The following CBFA2T3 variants were observed in gnomAD, a reference collection of about 807,000 sequenced individuals.
CBFA2T3 encodes CBFA2/RUNX1 partner transcriptional co-repressor 3.
Under a neutral mutation model 58.6 loss-of-function variants are expected in CBFA2T3, and 31 were observed. The ratio of observed to expected loss-of-function variants is 0.53; its 90% CI spans 0.40 to 0.71. CBFA2T3 has a LOEUF of 0.71. Among genes scored for constraint, CBFA2T3 ranks in the 30% least tolerant of loss-of-function variants. CBFA2T3 has a pLI of 0.00. For missense variants in CBFA2T3, 1,076 were observed against 963.1 expected, an observed-to-expected ratio of 1.12 and a Z score of -1.55; for synonymous variants, 531 against 421.9, an observed-to-expected ratio of 1.26 and a Z score of -3.17.
At chr16:88,954,238 T>A (rs1300082555) in intron 1 of CBFA2T3, among the ~76,000 whole-genome samples, 1 of 152,118 alleles carries the variant, frequency 6.6e-6, no homozygotes, top group East Asian at 1.9e-4. Context: ...ACCACCATGA[T>A]AGGCCGGCCA....
intron 1 of CBFA2T3, among the ~76,000 whole-genome samples, chr16:88,975,139 G>C (rs62045814): frequency 0.4 from 40,659 of 101,200 alleles, 7,866 homozygotes; most frequent in East Asian, 0.51. Flanking sequence ...CTCCTGACCT[G>C]CAGCCATGTC....
rs1969327935 is a variant in CBFA2T3 at position 88,885,519 on chromosome 16, C to T, written c.894-250G>A. On this transcript the variant is annotated intron_variant, in intron 6 of 11. Transcript: ENST00000268679. This position sits in a 1 kb window ranked among gnomAD's most constrained non-coding sequence, Gnocchi z 5.3. Reference sequence around the variant, plus strand: ...GCATGGCATCCTGGGGCCTGGTGGTCAAAGAGCCGGACTCGCTGCTCTGGG... The same window carrying T: ...GCATGGCATCCTGGGGCCTGGTGGTTAAAGAGCCGGACTCGCTGCTCTGGG... Among the ~76,000 whole-genome samples the T allele has an allele frequency of 6.6e-6, 1 of 152,150 alleles. No individual in the cohort carries two copies. The highest frequency in any genetic ancestry group is 2.4e-5 in the African/African-American group (1 of 41,428).
chr16:88,941,024 G>T, intron 1 of CBFA2T3: 1 of 981,034 alleles, frequency 1.0e-6, no homozygotes, highest in South Asian at 4.6e-5. Flanking sequence ...ACTTACGGTC[G>T]GGGGGTCCGG....
intron 1 of CBFA2T3, chr16:88,940,959 G>T (rs1267351170): frequency 2.4e-6 from 2 of 844,922 alleles, no homozygotes; most frequent in African/African-American, 3.7e-5. Context: ...TCCGGGAACG[G>T]CAGCCGCGGG....
intron 1 of CBFA2T3, 28 bp from the exon 2 acceptor site, chr16:88,901,684 G>A (rs1309100862): frequency 4.6e-6 from 7 of 1,514,962 alleles, no homozygotes; most frequent in Middle Eastern, 1.7e-4. Flanking sequence ...AGAAAGAGTC[G>A]GTGAAGCAGG....
chr16:88,943,336 C>A (rs1001683568), intron 1 of CBFA2T3, among the ~76,000 whole-genome samples: 2 of 152,228 alleles, frequency 1.3e-5, no homozygotes, highest in African/African-American at 2.4e-5. Context: ...TTCTCTGGAC[C>A]GCAGGCTTCG....
chr16:88,975,558 G>A lies in CBFA2T3; in HGVS notation c.151+1099C>T, dbSNP rs577395161. Among the ~76,000 whole-genome samples the A allele has an allele frequency of 1.3e-3, 191 of 152,368 alleles. 1 individual carries two copies. Among genetic ancestry groups the A allele is most frequent in the African/African-American group, 4.1e-3 (171 of 41,592 alleles). ...TAGACAGGGCCGCTCCAGAGAGGAC[G>A]GGATGGCAGATGCCAGGGCCAGTGG... On this transcript the variant is annotated intron_variant, in intron 1 of 11. Transcript: ENST00000268679.
At chr16:88,917,991 G>A (rs1336812778) in intron 1 of CBFA2T3, among the ~76,000 whole-genome samples, 2 of 152,208 alleles carry the variant, frequency 1.3e-5, no homozygotes, top group African/African-American at 4.8e-5. Flanking sequence ...CAGGACTTTA[G>A]AGGTGGCCTC....
rs149664379 is a variant in CBFA2T3 at position 88,954,324 on chromosome 16, C to G, written c.151+22333G>C. On this transcript the variant is annotated intron_variant, in intron 1 of 11. Coordinates refer to ENST00000268679, the MANE Select transcript of CBFA2T3 (RefSeq NM_005187.6). ...GACCCACCCAAGGGTCCTGACCCCA[C>G]CCAAGGCTCCTGACCCCAGCCAAGG... is the stretch of plus-strand genomic sequence containing the variant. Among the ~76,000 whole-genome samples the G allele has an allele frequency of 3.1e-3, 444 of 145,070 alleles. 6 individuals carry two copies. Among genetic ancestry groups the G allele is most frequent in the African/African-American group, 0.012 (428 of 35,800 alleles).
chr16:88,933,957 T>A (rs570009193), intron 1 of CBFA2T3, among the ~76,000 whole-genome samples: 3 of 149,924 alleles, frequency 2.0e-5, no homozygotes, highest in African/African-American at 4.9e-5. Flanking sequence ...GAAAAAAAAA[T>A]ACCTCAGTCG....
chr16:88,924,562 G>C (rs914338078), intron 1 of CBFA2T3, among the ~76,000 whole-genome samples: 6 of 152,160 alleles, frequency 3.9e-5, no homozygotes, highest in African/African-American at 1.4e-4. Context: ...GGCAGCTCTC[G>C]GTGCTGTGTC....
At chr16:88,911,590 TCA>T (rs1384869600) in intron 1 of CBFA2T3, among the ~76,000 whole-genome samples, 2 of 152,234 alleles carry the variant, frequency 1.3e-5, no homozygotes, top group African/African-American at 4.8e-5. Flanking sequence ...TAATCTGGCC[TCA>T]GTTTTCTCAT....
intron 1 of CBFA2T3, among the ~76,000 whole-genome samples, chr16:88,959,699 C>G (rs1416958694): frequency 1.3e-5 from 2 of 152,146 alleles, no homozygotes; most frequent in Non-Finnish European, 2.9e-5. Context: ...AAAACGGGAG[C>G]AGGGCAGAGA....
chr16:88,963,531 T>C (rs761999989), intron 1 of CBFA2T3, among the ~76,000 whole-genome samples: 13 of 152,150 alleles, frequency 8.5e-5, no homozygotes, highest in Non-Finnish European at 1.8e-4. Flanking sequence ...CCCCAGGAGC[T>C]GTCACTGTCT....
chr16:88,921,493 C>T (rs1970918592), intron 1 of CBFA2T3, among the ~76,000 whole-genome samples: 1 of 152,174 alleles, frequency 6.6e-6, no homozygotes, highest in Non-Finnish European at 1.5e-5. Flanking sequence ...GCGAGTGGGC[C>T]CCTCTTCCCG....
At chr16:88,913,265 C>A (rs564875422) in intron 1 of CBFA2T3, among the ~76,000 whole-genome samples, 8 of 152,360 alleles carry the variant, frequency 5.3e-5, no homozygotes, top group African/African-American at 1.7e-4. Context: ...AGGGTTGGCC[C>A]GGCCACTTGG....
At chr16:88,935,931 G>A (rs1247230336) in intron 1 of CBFA2T3, among the ~76,000 whole-genome samples, 1 of 151,822 alleles carries the variant, frequency 6.6e-6, no homozygotes, top group Admixed American at 6.5e-5. Context: ...CAGCTGCTGG[G>A]AGGGGAGTCG....
intron 1 of CBFA2T3, among the ~76,000 whole-genome samples, chr16:88,914,041 G>A (rs558794308): frequency 2.1e-4 from 32 of 152,336 alleles, no homozygotes; most frequent in Non-Finnish European, 4.3e-4. Flanking sequence ...AGAGGGACAC[G>A]AGGCTGCAGC....
chr16:88,894,838 G>A (rs999212351), intron 3 of CBFA2T3, among the ~76,000 whole-genome samples: 13 of 152,254 alleles, frequency 8.5e-5, no homozygotes, highest in East Asian at 1.9e-4. Context: ...TGTGTGCGCC[G>A]AGGAGGAGGG....
Sources: gnomAD v4.1 joint callset for allele counts (sites outside exome capture counted in the v4.1 genomes callset) on GRCh38, gnomAD v4.1.1 for gene constraint, Gnocchi (gnomAD v3.1) non-coding constraint, MANE v1.5 for transcripts, NCBI Gene and HGNC (gene_info 2026-07-23, HGNC 2026-07-21) for gene names.